The following FGF14 variants were observed in gnomAD, a reference collection of about 807,000 sequenced individuals.
FGF14 encodes fibroblast growth factor 14, also known as fibroblast growth factor homologous factor 4.
Under a neutral mutation model 25.5 loss-of-function variants are expected in FGF14, and 5 were observed. The observed-to-expected ratio is 0.20, with a 90% CI of 0.10 to 0.41. The LOEUF (loss-of-function observed/expected upper bound fraction) is 0.41, where lower values mean the gene tolerates loss of function less well. FGF14 is among the 10% of genes least tolerant of loss of function. The probability of loss-of-function intolerance (pLI) is 1.00; values close to 1 mark genes in which losing one functional copy is unlikely to be tolerated. For missense variants in FGF14, 222 were observed against 320.1 expected (o/e 0.69, Z 2.34); for synonymous variants, 138 against 118.3 (o/e 1.17, Z -1.08).
At chr13:101,948,828 C>T (rs1223104255) in intron 1 of FGF14, among the ~76,000 whole-genome samples, 1 of 152,104 alleles carries the variant, frequency 6.6e-6, no homozygotes, top group Admixed American at 6.5e-5. Flanking sequence ...AGGGGAAATG[C>T]TAGCTCAACT....
intron 1 of FGF14, among the ~76,000 whole-genome samples, chr13:101,982,301 C>G (rs2038315847): frequency 6.6e-6 from 1 of 152,152 alleles, no homozygotes; most frequent in Non-Finnish European, 1.5e-5. Flanking sequence ...AGGTTTAGAT[C>G]TAAAAGTATT....
intron 1 of FGF14, among the ~76,000 whole-genome samples, chr13:102,132,511 CTTTCT>C (rs141595600): frequency 0.21 from 26,981 of 131,526 alleles, 2,417 homozygotes; most frequent in Admixed American, 0.31. Flanking sequence ...TTCTTTCTTT[CTTTCT>C]TTTTTTTTTT....
intron 1 of FGF14, among the ~76,000 whole-genome samples, chr13:102,025,092 T>C (rs1275383622): frequency 4.0e-5 from 6 of 151,820 alleles, no homozygotes; most frequent in Non-Finnish European, 5.9e-5. Flanking sequence ...CTTCTTGATT[T>C]GGTTTGTAGT....
chr13:102,393,474 TTTCAAC>T (rs1252154734), intron 1 of FGF14, among the ~76,000 whole-genome samples: 1 of 152,234 alleles, frequency 6.6e-6, no homozygotes, highest in Admixed American at 6.5e-5. Context: ...AAATAATCTT[TTTCAAC>T]TTCTTAATTT....
At chr13:102,335,221 A>G (rs750380599) in intron 1 of FGF14, among the ~76,000 whole-genome samples, 11 of 152,212 alleles carry the variant, frequency 7.2e-5, no homozygotes, top group East Asian at 3.8e-4. Context: ...AAAGAGAGAC[A>G]ACAACATCTT....
At chr13:102,194,020 T>G (rs997576243) in intron 1 of FGF14, among the ~76,000 whole-genome samples, 3 of 152,160 alleles carry the variant, frequency 2.0e-5, no homozygotes, top group South Asian at 2.1e-4. Flanking sequence ...AGACCAAAAG[T>G]AAACCATGAA....
intron 1 of FGF14, among the ~76,000 whole-genome samples, chr13:102,254,253 G>A (rs1406968781): frequency 6.6e-6 from 1 of 152,160 alleles, no homozygotes; most frequent in Non-Finnish European, 1.5e-5. Flanking sequence ...AGTGCTTATG[G>A]CACAAACTCA....
intron 3 of FGF14, among the ~76,000 whole-genome samples, chr13:101,838,680 C>T (rs890650896): frequency 6.6e-6 from 1 of 151,992 alleles, no homozygotes; most frequent in African/African-American, 2.4e-5. Context: ...ACAAAATCCT[C>T]ATGTAAATAA....
intron 1 of FGF14, among the ~76,000 whole-genome samples, chr13:102,281,647 T>A (rs370280062): frequency 9.9e-4 from 151 of 152,000 alleles, no homozygotes; most frequent in African/African-American, 3.5e-3. Context: ...AATCTTTGAC[T>A]CTGTTTATCT....
chr13:102,328,563 A>C (rs774648003), intron 1 of FGF14, among the ~76,000 whole-genome samples: 21 of 152,220 alleles, frequency 1.4e-4, no homozygotes, highest in Non-Finnish European at 1.6e-4. Flanking sequence ...AATTCTGTCC[A>C]TTCATGGAGC....
At chr13:102,121,057 A>C (rs970503392) in intron 1 of FGF14, among the ~76,000 whole-genome samples, 4 of 152,156 alleles carry the variant, frequency 2.6e-5, no homozygotes, top group African/African-American at 9.7e-5. Context: ...CACACTTTCC[A>C]AGGTACTCAG....
Position 101,726,715 on chromosome 13 carries a change from A to G in FGF14, c.504T>C (p.Gly168=). The G allele has an allele frequency of 7.4e-6, 12 of 1,613,298 alleles. No individual in the cohort carries two copies. The highest frequency in any genetic ancestry group is 1.0e-5 in the Non-Finnish European group (12 of 1,179,482). The part of the protein sequence containing the change: ...SSMLYRQQES[G]RAWFLGLNKE... ...TATTTAATCCCAAAAACCAGGCTCT[A>G]CCAGATTCCTGTTGTCTGTACAACA... The change falls in exon 4 of 5, where the codon GGT becomes GGC. Residue 168 remains glycine (G), a synonymous_variant. Coordinates refer to ENST00000376143, the MANE Select transcript of FGF14 (RefSeq NM_004115.4).
intron 1 of FGF14, among the ~76,000 whole-genome samples, chr13:102,147,188 C>A (rs1020369813): frequency 2.6e-5 from 4 of 152,058 alleles, no homozygotes; most frequent in African/African-American, 9.7e-5. Context: ...TAGTCAAGAC[C>A]CTTTGCTAGC....
intron 1 of FGF14, among the ~76,000 whole-genome samples, chr13:101,893,124 T>C (rs984649919): frequency 6.6e-6 from 1 of 152,134 alleles, no homozygotes; most frequent in African/African-American, 2.4e-5. Context: ...GTGAGAGTAA[T>C]GTGGGAGGCA....
chr13:101,808,996 C>G (rs925094021), intron 3 of FGF14, among the ~76,000 whole-genome samples: 24 of 152,060 alleles, frequency 1.6e-4, no homozygotes, highest in African/African-American at 5.8e-4. Context: ...CTAATTAGTT[C>G]CCAGGATGCA....
At chr13:101,903,593 C>T (rs1287435665) in intron 1 of FGF14, among the ~76,000 whole-genome samples, 1 of 151,892 alleles carries the variant, frequency 6.6e-6, no homozygotes, top group African/African-American at 2.4e-5. Context: ...AGAATTGTAG[C>T]TTTTATATGC....
rs1235991896 is a variant in FGF14 at position 101,907,821 on chromosome 13, G to A, written c.193+8632C>T. On this transcript the variant is annotated intron_variant, in intron 1 of 4. Coordinates refer to ENST00000376143, the MANE Select transcript of FGF14 (RefSeq NM_004115.4). Reference sequence around the variant, plus strand: ...TAACACAGTAGGATGATGCAGAAGAGAAGAAAATTATTGGATTGATTTCCC... The same window carrying A: ...TAACACAGTAGGATGATGCAGAAGAAAAGAAAATTATTGGATTGATTTCCC... 2.0e-5 allele frequency among the ~76,000 whole-genome samples: 3 copies of A among 152,042 alleles called. 1 individual carries two copies. The highest frequency in any genetic ancestry group is 4.4e-5 in the Non-Finnish European group (3 of 67,992).
At chr13:102,026,674 G>C (rs772589432) in intron 1 of FGF14, among the ~76,000 whole-genome samples, 3 of 151,954 alleles carry the variant, frequency 2.0e-5, no homozygotes, top group Non-Finnish European at 4.4e-5. Context: ...AGAATAGTGA[G>C]AGCACTCAAT....
intron 1 of FGF14, among the ~76,000 whole-genome samples, chr13:102,143,712 ATTAAT>A (rs2046740986): frequency 1.3e-5 from 2 of 152,182 alleles, no homozygotes; most frequent in African/African-American, 4.8e-5. Flanking sequence ...TGACTTCAAA[ATTAAT>A]TTAACCCCGA....
Sources: gnomAD v4.1 joint callset for allele counts (sites outside exome capture counted in the v4.1 genomes callset) on GRCh38, gnomAD v4.1.1 for gene constraint, MANE v1.5 for transcripts, NCBI Gene and HGNC (gene_info 2026-07-23, HGNC 2026-07-21) for gene names.